The following ACACA variants were observed in gnomAD, a reference collection of about 807,000 sequenced individuals.
ACACA encodes the protein acetyl-CoA carboxylase alpha, also known as acetyl-CoA carboxylase 1.
A neutral mutation model predicts 296.1 loss-of-function variants in ACACA; 103 were observed. The ratio of observed to expected loss-of-function variants is 0.35; its 90% CI spans 0.30 to 0.41. The LOEUF (loss-of-function observed/expected upper bound fraction) is 0.41. ACACA is among the 10% of genes least tolerant of loss of function. ACACA has a pLI of 1.00. For missense variants in ACACA, 1,554 were observed against 2,989.7 expected (o/e 0.52, Z 11.20); for synonymous variants, 953 against 1,038.6 (o/e 0.92, Z 1.58).
intron 1 of ACACA, among the ~76,000 whole-genome samples, chr17:37,375,463 G>C (rs891602016): frequency 1.3e-5 from 2 of 152,014 alleles, no homozygotes; most frequent in African/African-American, 2.4e-5. Flanking sequence ...CTCCAGCCTG[G>C]GCGACCGAGC....
rs1208437763 is a variant in ACACA at position 37,129,424 on chromosome 17, A to C, written c.5885T>G (p.Phe1962Cys). 6.2e-7 allele frequency: 1 copy of C among 1,614,088 alleles called. No homozygotes were observed. Among genetic ancestry groups the C allele is most frequent in the Non-Finnish European group, 8.5e-7 (1 of 1,179,984 alleles). ...SKDPIDRIIE[F>C]VPTKTPYDPR... ...ATCGTATGGGGTCTTTGTGGGAACA[A>C]ACTCGATGATTCTGTCTATAGGATC... Residue 1962 changes from phenylalanine (F) to cysteine (C), a missense_variant, in exon 47 of 56, where the codon TTT becomes TGT. By Grantham distance (205) the Phe-to-Cys change is radical (BLOSUM62 -2). Coordinates refer to ENST00000616317, the MANE Select transcript of ACACA (RefSeq NM_198834.3).
rs751479341 is a variant in ACACA at position 37,349,547 on chromosome 17, G to GTA, written c.39-9699_39-9698dup. 3.4e-3 allele frequency among the ~76,000 whole-genome samples: 490 copies of GTA among 144,132 alleles called. 1 individual carries two copies. The highest frequency in any genetic ancestry group is 4.9e-3 in the Non-Finnish European group (325 of 66,038). 94.6% of individuals were successfully genotyped at this position (144,132 alleles called of 152,430 possible). On this transcript the variant is annotated intron_variant, in intron 1 of 55. Transcript: ENST00000616317. ...TGTGTGTGTGCGCGCGTGTGTGTGT[G>GTA]TATATATATATAGCTTTTTTTTTTT...
At chr17:37,132,193 C>G (rs1247011130) in intron 45 of ACACA, among the ~76,000 whole-genome samples, 3 of 152,212 alleles carry the variant, frequency 2.0e-5, no homozygotes, top group Non-Finnish European at 4.4e-5. Flanking sequence ...AGCAAATACA[C>G]GCCGTTTGTT....
Position 37,122,760 on chromosome 17 carries a change from T to C in ACACA, c.6042-133A>G. On this transcript the variant is annotated intron_variant, in intron 48 of 55. Transcript: ENST00000616317. The stretch of plus-strand genomic sequence containing the variant: ...ACAGAGAGCAGGGGAAATCTGATTC[T>C]TCTATGAGTTAAATGTGAGACTCTA... 7.8e-6 allele frequency: 6 copies of C among 771,356 alleles called. 1 individual carries two copies. In the South Asian group the frequency reaches 8.5e-5, roughly 11 times the overall value. The allele number at this position is 771,356 out of a possible 1,614,324, so 47.8% of individuals were successfully genotyped here.
At chr17:37,355,120 G>A (rs2049073298) in intron 1 of ACACA, among the ~76,000 whole-genome samples, 1 of 151,908 alleles carries the variant, frequency 6.6e-6, no homozygotes, top group Admixed American at 6.6e-5. Flanking sequence ...GCATGCGCCT[G>A]TAATCCCACC....
chr17:37,197,986 G>A (rs111900046), intron 35 of ACACA, among the ~76,000 whole-genome samples: 3,740 of 152,216 alleles, frequency 0.025, 109 homozygotes, highest in African/African-American at 0.07. Flanking sequence ...TGATTGTCAC[G>A]GAAGACCCCC....
In ACACA at chr17:37,099,514, CAGGAGGGCTGATGGG is replaced by C. The variant is rs1361124394; in HGVS notation, c.6566-1545_6566-1531del. ...GGGCTGATGGGAGGAGGGCTGATAG[CAGGAGGGCTGATGGG>C]AGGAGGGCTGATGGCGGGAGGGCTG... On this transcript the variant is annotated intron_variant, in intron 52 of 55. Coordinates refer to ENST00000616317, the MANE Select transcript of ACACA (RefSeq NM_198834.3). 1.8e-4 allele frequency among the ~76,000 whole-genome samples: 14 copies of C among 78,426 alleles called. No homozygotes were observed. The East Asian group carries it at 2.3e-3, about 13-fold the overall frequency. The allele number at this position is 78,426 out of a possible 152,430, so 51.5% of individuals were successfully genotyped here.
At chr17:37,174,002 ATATATATATATATATATATTTTTT>A (rs1183110592) in intron 41 of ACACA, among the ~76,000 whole-genome samples, 1 of 10,612 alleles carries the variant, frequency 9.4e-5, no homozygotes, top group Non-Finnish European at 1.6e-4. Context: ...ATATATATAT[ATATATATATATATATATATTTTTT>A]TTTTTTTTTT....
At chr17:37,319,787 C>T (rs978574445) in intron 3 of ACACA, among the ~76,000 whole-genome samples, 2 of 151,962 alleles carry the variant, frequency 1.3e-5, no homozygotes, top group African/African-American at 4.8e-5. Flanking sequence ...CCTGTCTCTA[C>T]TAAAAATACA....
Position 37,096,107 on chromosome 17 carries a change from G to A in ACACA, c.6891+889C>T, listed in dbSNP as rs577460285. Among the ~76,000 whole-genome samples, 6 of 152,272 alleles carry A rather than the reference G, an allele frequency of 3.9e-5. No homozygotes were observed. The South Asian group carries it at 1.0e-3, about 26-fold the overall frequency. ...TAGGCAGCTCTTTAGTTGTAGTCAT[G>A]GCATCTCCTGCCGATCACAACCTGT... On this transcript the variant is annotated intron_variant, in intron 54 of 55. Transcript: ENST00000616317.
At chr17:37,174,195 T>G (rs1343308206) in intron 41 of ACACA, among the ~76,000 whole-genome samples, 2 of 149,452 alleles carry the variant, frequency 1.3e-5, no homozygotes, top group Non-Finnish European at 3.0e-5. Flanking sequence ...TTACACTACT[T>G]TATTTCCTCT....
In ACACA at chr17:37,207,759, T is replaced by C; in HGVS notation, c.3749A>G (p.His1250Arg). Residue 1250 changes from histidine (H) to arginine (R), a missense_variant, in exon 31 of 56, where the codon CAT (histidine) becomes CGT (arginine). This residue lies in a region of ACACA where 179 missense variants were observed against 283.2 expected (regional missense o/e 0.63). Transcript: ENST00000616317. ...CAGTACATCGCTGACACTAGCTACA[T>C]GGGTCATGCCATAGTGGTTGAGGTT... is the stretch of plus-strand genomic sequence containing the variant. The part of the protein sequence containing the change: ...SSNLNHYGMT[H>R]VASVSDVLLD... 1.9e-6 allele frequency: 3 copies of C among 1,613,930 alleles called. No homozygotes were observed. The highest frequency in any genetic ancestry group is 2.5e-6 in the Non-Finnish European group (3 of 1,179,836).
At chr17:37,401,196 CTTTTTTTTTT>C (rs1234610912) in intron 1 of ACACA, among the ~76,000 whole-genome samples, 1 of 134,356 alleles carries the variant, frequency 7.4e-6, no homozygotes, top group African/African-American at 2.7e-5. Flanking sequence ...TTTTGTTTTT[CTTTTTTTTTT>C]TTTTTTGAGA....
At chr17:37,378,988 G>T in intron 1 of ACACA, 2 of 941,564 alleles carry the variant, frequency 2.1e-6, no homozygotes, top group Non-Finnish European at 3.1e-6. Context: ...AGGATTGCTT[G>T]GAGATCGAGG....
intron 33 of ACACA, among the ~76,000 whole-genome samples, chr17:37,204,484 C>T (rs917822794): frequency 6.6e-6 from 1 of 152,132 alleles, no homozygotes; most frequent in African/African-American, 2.4e-5. Context: ...ACTTATCTAA[C>T]CCCATGGAAT....
intron 29 of ACACA, 47 bp from the exon 30 acceptor site, chr17:37,210,537 C>T (rs1567818688): frequency 6.3e-7 from 1 of 1,578,186 alleles, no homozygotes; most frequent in Non-Finnish European, 8.7e-7. Context: ...TAGTGAAAGC[C>T]ATAATAAAAG....
Position 37,386,032 on chromosome 17 carries a change from T to C in ACACA, c.38+20230A>G. 3.1e-6 allele frequency: 5 copies of C among 1,598,982 alleles called. No individual in the cohort carries two copies. The East Asian group carries it at 6.7e-5, about 21-fold the overall frequency. On this transcript the variant is annotated intron_variant, in intron 1 of 55. Coordinates refer to ENST00000616317, the MANE Select transcript of ACACA (RefSeq NM_198834.3). ...AGCTTTTTTACCAGGGATCTCACAA[T>C]GTAAAGTCCTGGGGGCTTCATCAGA...
chr17:37,128,251 G>A (rs2074919700), intron 47 of ACACA, among the ~76,000 whole-genome samples: 1 of 151,982 alleles, frequency 6.6e-6, no homozygotes, highest in Non-Finnish European at 1.5e-5. Context: ...CTATATAATA[G>A]CTATGTGACC....
At chr17:37,139,393 T>C (rs1830201539) in intron 45 of ACACA, among the ~76,000 whole-genome samples, 2 of 152,096 alleles carry the variant, frequency 1.3e-5, no homozygotes, top group South Asian at 4.1e-4. Flanking sequence ...GGACAATGGA[T>C]ATAGGGTAGA....
Sources: allele counts gnomAD v4.1 joint callset (sites outside exome capture counted in the v4.1 genomes callset), GRCh38; gene constraint gnomAD v4.1.1; regional missense constraint gnomAD v4.1.1; transcripts MANE v1.5; gene names NCBI Gene and HGNC (gene_info 2026-07-23, HGNC 2026-07-21).